OOSP4A: variants seen among roughly 807,000 people sequenced by gnomAD.
The protein encoded by OOSP4A is oocyte secreted protein family member 4A, also known as oocyte-secreted protein 4A.
intron 1 of OOSP4A, among the ~76,000 whole-genome samples, chr11:59,964,487 G>A (rs963559774): frequency 2.0e-5 from 3 of 152,056 alleles, no homozygotes; most frequent in Admixed American, 6.6e-5. Flanking sequence ...TCTGGCCGTG[G>A]GGTATGAAGT....
At chr11:59,964,769 T>C (rs1854080484) in intron 1 of OOSP4A, among the ~76,000 whole-genome samples, 1 of 152,168 alleles carries the variant, frequency 6.6e-6, no homozygotes, top group Non-Finnish European at 1.5e-5. Context: ...GAATCCTTAG[T>C]GTCACATACT....
Position 59,968,490 on chromosome 11 carries a change from C to G in OOSP4A, c.345-660C>G, listed in dbSNP as rs73493153. Among the ~76,000 whole-genome samples, 1,156 of 152,292 alleles carry G rather than the reference C, an allele frequency of 7.6e-3. 14 individuals are homozygous for G. Among genetic ancestry groups the G allele is most frequent in the African/African-American group, 0.025 (1,047 of 41,566 alleles). On this transcript the variant is annotated intron_variant, in intron 3 of 4. Transcript: ENST00000645590. ...ATCTTGACTTCTTGAGGTCCCCTCT[C>G]CAGTTCACAGGTATTCTTGAGTGAA...
At chr11:59,969,182 G>C (rs1854132507) in exon 4 of OOSP4A, 2 of 398,732 alleles carry the variant, frequency 5.0e-6, no homozygotes, top group Admixed American at 8.8e-5. Context: ...ATGAGAGGGA[G>C]AGAGAATGAT....
exon 2 of OOSP4A, chr11:59,965,583 C>T (rs975577241): frequency 2.0e-5 from 8 of 398,370 alleles, no homozygotes; most frequent in Non-Finnish European, 3.1e-5. Flanking sequence ...CTTAGACGAA[C>T]GCCGCTGTTA....
At chr11:59,969,742 G>A (rs963086986) in intron 4 of OOSP4A, among the ~76,000 whole-genome samples, 15 of 152,102 alleles carry the variant, frequency 9.9e-5, no homozygotes, top group Non-Finnish European at 2.2e-4. Flanking sequence ...AGAGGGACAG[G>A]CCCTTATTCC....
Position 59,967,152 on chromosome 11 carries a change from G to T in OOSP4A, c.332G>T (p.Cys111Phe), listed in dbSNP as rs1020654743. ...TTCAATTTACACATCCCAGTATCAT[G>T]CTATGTGCAAAGGTAAGTGCAGTGC... is the stretch of plus-strand genomic sequence containing the variant. Residue 111 changes from cysteine to phenylalanine, a missense_variant, in exon 3 of 5, where the codon TGC becomes TTC. Cys to Phe is a radical substitution (Grantham distance 205). Transcript: ENST00000645590. 1.3e-5 allele frequency: 5 copies of T among 397,976 alleles called. No individual in the cohort carries two copies. The Admixed American group carries it at 1.3e-4, about 11-fold the overall frequency. The allele number at this position is 397,976 out of a possible 1,614,324, so 24.7% of individuals were successfully genotyped here.
intron 3 of OOSP4A, among the ~76,000 whole-genome samples, chr11:59,968,066 T>C (rs1590564827): frequency 6.6e-6 from 1 of 152,346 alleles, no homozygotes; most frequent in East Asian, 1.9e-4. Flanking sequence ...GGGTTTTCTT[T>C]AAGACTCCTA....
exon 4 of OOSP4A, chr11:59,969,237 A>C (rs1854133011): frequency 5.0e-6 from 2 of 398,730 alleles, no homozygotes; most frequent in Non-Finnish European, 8.9e-6. Flanking sequence ...ACCGCTCACT[A>C]TCACATGAAC....
At chr11:59,965,034 C>T (rs1012528822) in intron 1 of OOSP4A, among the ~76,000 whole-genome samples, 5 of 151,108 alleles carry the variant, frequency 3.3e-5, no homozygotes, top group Non-Finnish European at 5.9e-5. Context: ...TCTCAACTAT[C>T]GCAAGGACAA....
intron 2 of OOSP4A, among the ~76,000 whole-genome samples, chr11:59,965,943 G>C (rs1854093858): frequency 6.6e-6 from 1 of 151,936 alleles, no homozygotes; most frequent in Admixed American, 6.6e-5. Flanking sequence ...TATTTTTTTG[G>C]CAACATATCT....
intron 3 of OOSP4A, among the ~76,000 whole-genome samples, chr11:59,968,639 T>C (rs555011692): frequency 2.1e-4 from 32 of 152,366 alleles, no homozygotes; most frequent in African/African-American, 7.5e-4. Context: ...TCTCGTGTCA[T>C]TCTACTGCAC....
chr11:59,967,329 C>T (rs1854110921), intron 3 of OOSP4A, among the ~76,000 whole-genome samples, 165 bp downstream of exon 3: 1 of 152,312 alleles, frequency 6.6e-6, no homozygotes, highest in Admixed American at 6.5e-5. Context: ...TAAATTGATT[C>T]TCTCAATGTA....
chr11:59,968,305 G>A (rs1854122388), intron 3 of OOSP4A, among the ~76,000 whole-genome samples: 1 of 152,160 alleles, frequency 6.6e-6, no homozygotes. Flanking sequence ...TTATGGATGT[G>A]TGAGTTTTTT....
chr11:59,969,430 T>A lies in OOSP4A; in HGVS notation c.479+146T>A. ...TTCAGGATCATTGGAATACTGCATTTTTTATGTTTATTAGGGATATATTTT... is the reference window on the plus strand; with the variant it reads ...TTCAGGATCATTGGAATACTGCATTATTTATGTTTATTAGGGATATATTTT... On this transcript the variant is annotated intron_variant, in intron 4 of 4. Transcript: ENST00000645590. The A allele has an allele frequency of 1.0e-5, 4 of 395,706 alleles. No individual in the cohort carries two copies. In the East Asian group the frequency reaches 1.4e-4, roughly 14 times the overall value. The allele number at this position is 395,706 out of a possible 1,614,324, so 24.5% of individuals were successfully genotyped here. A position where few individuals can be genotyped will look rare whatever the true frequency, so the allele number is the denominator to read the frequency against.
At chr11:59,966,722 C>T (rs1854103143) in intron 2 of OOSP4A, among the ~76,000 whole-genome samples, 1 of 152,152 alleles carries the variant, frequency 6.6e-6, no homozygotes, top group Non-Finnish European at 1.5e-5. Flanking sequence ...GATCTGCCCA[C>T]CTCTGCCTTC....
chr11:59,966,918 T>C (rs560291175), intron 2 of OOSP4A, 149 bp from the exon 3 acceptor site: 1 of 359,352 alleles, frequency 2.8e-6, no homozygotes, highest in Non-Finnish European at 4.9e-6. Flanking sequence ...TGCTCTTCTA[T>C]TGTAGACCGT....
At chr11:59,965,291 G>C (rs1014926793) in intron 1 of OOSP4A, among the ~76,000 whole-genome samples, 1 of 152,100 alleles carries the variant, frequency 6.6e-6, no homozygotes, top group Admixed American at 6.6e-5. Flanking sequence ...AAAACTTAAA[G>C]TATAATTAAG....
chr11:59,965,385 T>A, intron 1 of OOSP4A, 150 bp from the exon 2 acceptor site: 1 of 394,268 alleles, frequency 2.5e-6, no homozygotes, highest in Non-Finnish European at 4.5e-6. Flanking sequence ...TGACCCAAGA[T>A]CTCCCAGTGG....
chr11:59,964,572 A>G (rs1191586221), intron 1 of OOSP4A, among the ~76,000 whole-genome samples: 2 of 152,150 alleles, frequency 1.3e-5, no homozygotes, highest in South Asian at 2.1e-4. Context: ...TAGATTTGGC[A>G]TAGATTTTAA....
Sources: gnomAD v4.1 joint callset for allele counts (sites outside exome capture counted in the v4.1 genomes callset) on GRCh38, gnomAD v4.1.1 for gene constraint, MANE v1.5 for transcripts, NCBI Gene and HGNC (gene_info 2026-07-23, HGNC 2026-07-21) for gene names.